Variants in DBF4B observed in about 807,000 individuals in gnomAD.
DBF4B encodes the protein DBF4B-CDC7 kinase regulatory subunit.
In DBF4B, 49 loss-of-function variants were observed where a neutral mutation model predicts 53.4. The ratio of observed to expected loss-of-function variants is 0.92; its 90% CI spans 0.73 to 1.16. The LOEUF (loss-of-function observed/expected upper bound fraction) is 1.16, where lower values mean the gene tolerates loss of function less well. Among genes scored for constraint, DBF4B ranks in the 50% most tolerant of loss-of-function variants. The pLI, the probability that DBF4B is intolerant of heterozygous loss-of-function variation, is 0.00. For synonymous variants in DBF4B, 257 were observed against 288.7 expected (o/e 0.89, Z 1.11); for missense variants, 692 against 775.0 (o/e 0.89, Z 1.27).
At chr17:44,735,028 G>A (rs1363800045) in intron 7 of DBF4B, among the ~76,000 whole-genome samples, 1 of 152,038 alleles carries the variant, frequency 6.6e-6, no homozygotes, top group African/African-American at 2.4e-5. Context: ...CTTGAACCCA[G>A]GAGACATGTT....
Position 44,751,205 on chromosome 17 carries a change from T to A in DBF4B, c.1800T>A (p.Thr600=). Residue 600 remains threonine, a synonymous_variant, in exon 14 of 14, where the codon ACT becomes ACA. Transcript: ENST00000315005. ...AGGCCAAACCCCAAGGCTGGAACAC[T>A]CCTCAGCCATTTCTCCATTGCGGCT... ...LCQAKPQGWN[T]PQPFLHCGFL... The A allele has an allele frequency of 6.2e-7, 1 of 1,613,896 alleles. No individual in the cohort carries two copies. Among genetic ancestry groups the A allele is most frequent in the Non-Finnish European group, 8.5e-7 (1 of 1,180,002 alleles).
chr17:44,725,151 G>A (rs1974202802), intron 3 of DBF4B, among the ~76,000 whole-genome samples: 1 of 151,612 alleles, frequency 6.6e-6, no homozygotes, highest in Non-Finnish European at 1.5e-5. Flanking sequence ...ATTAGCTGGG[G>A]GCAGTGGCAC....
chr17:44,737,720 TA>T (rs1156708371), intron 8 of DBF4B, among the ~76,000 whole-genome samples: 27 of 152,218 alleles, frequency 1.8e-4, no homozygotes, highest in African/African-American at 6.5e-4. Context: ...AACTATCTAA[TA>T]GGGGTGAGTC....
chr17:44,727,595 C>G lies in DBF4B; in HGVS notation c.226-2310C>G, dbSNP rs137880632. Among the ~76,000 whole-genome samples, 17 of 152,340 alleles carry G rather than the reference C, an allele frequency of 1.1e-4. No homozygotes were observed. In the East Asian group the frequency reaches 3.3e-3, roughly 29 times the overall value. ...ATAGAATGAGGATTATATAACCAAA[C>G]TGGCCCATAATTACATTTTGAACTT... On this transcript the variant is annotated intron_variant, in intron 3 of 13. Coordinates refer to ENST00000315005, the MANE Select transcript of DBF4B (RefSeq NM_145663.3).
chr17:44,731,009 A>G lies in DBF4B; in HGVS notation c.462A>G (p.Arg154=). ...RGKELLQKAI[R]NQGSISGGGS... is the part of the protein sequence containing the mutation. ...AGGAGCTGCTGCAGAAGGCTATCAG[A>G]AACCAGGTGAGCTGGGGCAAGATGG... Residue 154 remains arginine, a synonymous_variant, in exon 5 of 14, where the codon AGA becomes AGG. Coordinates refer to ENST00000315005, the MANE Select transcript of DBF4B (RefSeq NM_145663.3). 6.2e-7 allele frequency: 1 copy of G among 1,614,086 alleles called. No homozygotes were observed.
At chr17:44,740,003 C>G (rs1975841583) in intron 9 of DBF4B, among the ~76,000 whole-genome samples, 1 of 152,166 alleles carries the variant, frequency 6.6e-6, no homozygotes, top group Non-Finnish European at 1.5e-5. Context: ...CTCAGGTGAT[C>G]CACCTGCCTT....
chr17:44,721,786 G>T (rs973427137), intron 2 of DBF4B, among the ~76,000 whole-genome samples: 11 of 151,044 alleles, frequency 7.3e-5, no homozygotes, highest in African/African-American at 1.5e-4. Flanking sequence ...AAAAGCTTAT[G>T]CCCTATCTCG....
At position 44,750,704 on chromosome 17, in the gene DBF4B, C is replaced by T. The variant is rs149141020; in HGVS notation, c.1299C>T (p.Ala433=). Residue 433 remains alanine, a synonymous_variant, in exon 14 of 14, where the codon GCC becomes GCT. Transcript: ENST00000315005. ...TGAGTGCCACAACCCTCCTGCCGGC[C>T]TTGCCCAAGGGCTCCAGGGAGCAGG... ...TCVSATTLLP[A]LPKGSREQGC... is the part of the protein sequence containing the mutation. 3 of 1,614,160 alleles carry T rather than the reference C, an allele frequency of 1.9e-6. No individual in the cohort carries two copies. The highest frequency in any genetic ancestry group is 2.2e-5 in the South Asian group (2 of 91,090).
intron 2 of DBF4B, among the ~76,000 whole-genome samples, chr17:44,714,969 G>A (rs1222141322): frequency 6.6e-6 from 1 of 152,068 alleles, no homozygotes; most frequent in East Asian, 1.9e-4. Flanking sequence ...GTCAAATCCT[G>A]TCTTTCTCTT....
Position 44,745,151 on chromosome 17 carries a change from C to T in DBF4B, c.831-1932C>T, listed in dbSNP as rs1053589941. 2.6e-5 allele frequency among the ~76,000 whole-genome samples: 4 copies of T among 152,066 alleles called. 1 individual carries two copies. Among genetic ancestry groups the T allele is most frequent in the South Asian group, 4.1e-4 (2 of 4,830 alleles). On this transcript the variant is annotated intron_variant, in intron 10 of 13. Transcript: ENST00000315005. Reference sequence around the variant, plus strand: ...TTCACCATGTTGCCCAGGCTGGTCTCGAACTCCTGCGCCCAAGTGATCCTC... The same window carrying T: ...TTCACCATGTTGCCCAGGCTGGTCTTGAACTCCTGCGCCCAAGTGATCCTC...
At chr17:44,731,606 A>AC (rs933208661) in intron 5 of DBF4B, 3 of 157,604 alleles carry the variant, frequency 1.9e-5, no homozygotes, top group African/African-American at 7.2e-5. Flanking sequence ...CTGTCTCAAA[A>AC]AAAAAACAAA....
intron 1 of DBF4B, 120 bp from the exon 2 acceptor site, chr17:44,709,184 G>A (rs1273398018): frequency 7.7e-6 from 10 of 1,293,024 alleles, no homozygotes; most frequent in Non-Finnish European, 1.1e-5. Context: ...ATGGAGTTGA[G>A]TCTTGCTGTT....
In DBF4B at chr17:44,723,968, G is replaced by A. The variant is rs574488096; in HGVS notation, c.225+946G>A. Among the ~76,000 whole-genome samples, 6 of 152,146 alleles carry A rather than the reference G, an allele frequency of 3.9e-5. 1 individual carries two copies. In the South Asian group the frequency reaches 8.3e-4, roughly 21 times the overall value. Reference sequence around the variant, plus strand: ...CTACAAAACATACAAAAAATTAAGCGGGTGTGGTGGTGCATGACTGTAGTT... The same window carrying A: ...CTACAAAACATACAAAAAATTAAGCAGGTGTGGTGGTGCATGACTGTAGTT... On this transcript the variant is annotated intron_variant, in intron 3 of 13. Transcript: ENST00000315005.
At chr17:44,748,546 A>G in intron 13 of DBF4B, 81 bp downstream of exon 13, 1 of 1,593,970 alleles carries the variant, frequency 6.3e-7, no homozygotes, top group Non-Finnish European at 8.6e-7. Context: ...ACCTGGACCT[A>G]TAGCAAGCTG....
chr17:44,746,531 C>T (rs1046361210), intron 10 of DBF4B, among the ~76,000 whole-genome samples: 2 of 151,952 alleles, frequency 1.3e-5, no homozygotes, highest in Admixed American at 6.6e-5. Context: ...AAGAGAAGGA[C>T]GGAGATGGCT....
intron 13 of DBF4B, chr17:44,750,388 G>C (rs2049250538): frequency 2.2e-6 from 3 of 1,373,912 alleles, no homozygotes; most frequent in African/African-American, 2.9e-5. Context: ...AGGAAGAAGG[G>C]GGGGCCCAGC....
At chr17:44,712,962 C>T (rs979386695) in intron 2 of DBF4B, among the ~76,000 whole-genome samples, 1 of 151,752 alleles carries the variant, frequency 6.6e-6, no homozygotes, top group South Asian at 2.1e-4. Flanking sequence ...CACAAACGCA[C>T]ATGCATTTCC....
In DBF4B at chr17:44,752,242, A is replaced by G. The variant is rs1358586073; in HGVS notation, c.*989A>G. 4.2e-6 allele frequency: 2 copies of G among 471,874 alleles called. No individual in the cohort carries two copies. Among genetic ancestry groups the G allele is most frequent in the African/African-American group, 3.9e-5 (2 of 50,976 alleles). The allele number at this position is 471,874 out of a possible 1,614,324, so 29.2% of individuals were successfully genotyped here. On this transcript the variant is annotated 3_prime_UTR_variant, in exon 14 of 14. Transcript: ENST00000315005. ...TGAGATGATTTCAGGACCCTTTCCA[A>G]TAATAAAATACTGTGACTGCCAGCA...
intron 10 of DBF4B, among the ~76,000 whole-genome samples, chr17:44,746,070 AAAAG>A (rs1218524828): frequency 3.1e-5 from 4 of 130,194 alleles, no homozygotes; most frequent in East Asian, 4.5e-4. Context: ...AAAAAAAAAA[AAAAG>A]AAAGAAAATT....
Sources: gnomAD v4.1 joint callset for allele counts (sites outside exome capture counted in the v4.1 genomes callset) on GRCh38, gnomAD v4.1.1 for gene constraint, MANE v1.5 for transcripts, NCBI Gene and HGNC (gene_info 2026-07-23, HGNC 2026-07-21) for gene names.